HMBOX1: variants seen among roughly 807,000 people sequenced by gnomAD.
The protein encoded by HMBOX1 is homeobox containing 1, also known as homeobox-containing protein 1.
Under a neutral mutation model 54.5 loss-of-function variants are expected in HMBOX1, and 14 were observed. The observed-to-expected ratio is 0.26, with a 90% CI of 0.17 to 0.40. The LOEUF (loss-of-function observed/expected upper bound fraction) is 0.40, where lower values mean the gene tolerates loss of function less well. HMBOX1 is among the 10% of genes least tolerant of loss of function. The probability of loss-of-function intolerance (pLI) is 1.00; values close to 1 mark genes in which losing one functional copy is unlikely to be tolerated. For synonymous variants in HMBOX1, 160 were observed against 181.0 expected, an observed-to-expected ratio of 0.88 and a Z score of 0.93; for missense variants, 332 against 514.4, an observed-to-expected ratio of 0.65 and a Z score of 3.43.
At chr8:28,941,132 A>G (rs780513232) in intron 1 of HMBOX1, among the ~76,000 whole-genome samples, 11 of 152,050 alleles carry the variant, frequency 7.2e-5, no homozygotes, top group Non-Finnish European at 1.3e-4. Context: ...TTTCTTTTCT[A>G]TGGTTCAGAA....
intron 1 of HMBOX1, among the ~76,000 whole-genome samples, chr8:28,898,862 G>A (rs1390515078): frequency 2.6e-5 from 4 of 152,292 alleles, no homozygotes; most frequent in Non-Finnish European, 2.9e-5. Flanking sequence ...TCCTTATCCC[G>A]TGACCTTGGT....
intron 1 of HMBOX1, among the ~76,000 whole-genome samples, chr8:28,961,251 C>T (rs536670276): frequency 2.6e-5 from 4 of 152,202 alleles, no homozygotes; most frequent in East Asian, 1.9e-4. Flanking sequence ...ACCATTTTAA[C>T]GTATATAGTT....
At chr8:28,991,435 C>T (rs1049277482) in intron 4 of HMBOX1, among the ~76,000 whole-genome samples, 2 of 152,104 alleles carry the variant, frequency 1.3e-5, no homozygotes, top group African/African-American at 4.8e-5. Context: ...GAGATTTTGC[C>T]GCCTGTAGTA....
intron 1 of HMBOX1, among the ~76,000 whole-genome samples, chr8:28,936,045 TATC>T (rs1344142584): frequency 6.6e-6 from 1 of 152,158 alleles, no homozygotes; most frequent in Non-Finnish European, 1.5e-5. Flanking sequence ...TTATTTAATG[TATC>T]ATCATCACCA....
chr8:29,052,373 C>T lies in HMBOX1; in HGVS notation c.*1218C>T, dbSNP rs1387087898. The T allele has an allele frequency of 6.6e-6, 1 of 152,114 alleles. No homozygotes were observed. Among genetic ancestry groups the T allele is most frequent in the Admixed American group, 6.5e-5 (1 of 15,274 alleles). 9.4% of individuals were successfully genotyped at this position (152,114 alleles called of 1,614,324 possible). On this transcript the variant is annotated 3_prime_UTR_variant, in exon 10 of 10. Coordinates refer to ENST00000287701, the MANE Select transcript of HMBOX1 (RefSeq NM_001135726.3). ...TGGAGAGGTGTGAAAAGCTGTATTGCTACAGGCAATTTATTTAATAATTGG... is the reference window on the plus strand; with the variant it reads ...TGGAGAGGTGTGAAAAGCTGTATTGTTACAGGCAATTTATTTAATAATTGG...
intron 3 of HMBOX1, among the ~76,000 whole-genome samples, chr8:28,976,651 A>T (rs1001947747): frequency 6.6e-6 from 1 of 151,522 alleles, no homozygotes; most frequent in African/African-American, 2.4e-5. Context: ...TTGCTTTTTG[A>T]TAAAGCTCTC....
At chr8:29,001,777 CAA>C (rs1196070100) in intron 4 of HMBOX1, among the ~76,000 whole-genome samples, 1 of 152,082 alleles carries the variant, frequency 6.6e-6, no homozygotes, top group Admixed American at 6.5e-5. Flanking sequence ...CAATTAAAAA[CAA>C]AAAGATAAGA....
At chr8:28,995,643 C>T (rs1831696766) in intron 4 of HMBOX1, among the ~76,000 whole-genome samples, 1 of 152,212 alleles carries the variant, frequency 6.6e-6, no homozygotes, top group South Asian at 2.1e-4. Context: ...TACTCACCAA[C>T]ACTTTATGAT....
chr8:28,961,017 C>T (rs538137256), intron 1 of HMBOX1, among the ~76,000 whole-genome samples: 1 of 151,812 alleles, frequency 6.6e-6, no homozygotes, highest in Admixed American at 6.6e-5. Flanking sequence ...GATCTCTTGA[C>T]CTCATGATCT....
At chr8:28,898,293 A>G (rs1482847992) in intron 1 of HMBOX1, among the ~76,000 whole-genome samples, 1 of 152,242 alleles carries the variant, frequency 6.6e-6, no homozygotes, top group Non-Finnish European at 1.5e-5. Context: ...ACAAATATTG[A>G]TGGTACTTCC....
chr8:28,984,007 A>C (rs1382941108), intron 4 of HMBOX1, among the ~76,000 whole-genome samples: 1 of 152,238 alleles, frequency 6.6e-6, no homozygotes, highest in African/African-American at 2.4e-5. Context: ...TTCTCTTTGC[A>C]GAGAAGAGAT....
chr8:28,980,299 C>G, intron 4 of HMBOX1, 143 bp downstream of exon 4: 1 of 670,790 alleles, frequency 1.5e-6, no homozygotes, highest in Non-Finnish European at 2.7e-6. Context: ...GATTTAAAAC[C>G]CATTGTCTCC....
chr8:29,015,291 T>C (rs1380150341), intron 5 of HMBOX1, among the ~76,000 whole-genome samples: 2 of 152,192 alleles, frequency 1.3e-5, no homozygotes, highest in Non-Finnish European at 2.9e-5. Flanking sequence ...GCCGCAATTA[T>C]GGATGTGGCC....
rs759440381 is a variant in HMBOX1 at position 29,009,145 on chromosome 8, A to G, written c.660A>G (p.Ala220=). ...GSDLSEQKKR[A]FYRWYQLEKT... is the part of the protein sequence containing the mutation. ...ACCTGAGTGAACAGAAGAAAAGAGC[A>G]TTTTACCGATGGTATCAACTTGAGA... Residue 220 remains alanine, a synonymous_variant, in exon 5 of 10, where the codon GCA becomes GCG. Coordinates refer to ENST00000287701, the MANE Select transcript of HMBOX1 (RefSeq NM_001135726.3). 2 of 1,613,384 alleles carry G rather than the reference A, an allele frequency of 1.2e-6. No homozygotes were observed. Among genetic ancestry groups the G allele is most frequent in the African/African-American group, 2.7e-5 (2 of 74,928 alleles).
chr8:28,991,705 C>T (rs1312477628), intron 4 of HMBOX1, among the ~76,000 whole-genome samples: 1 of 152,092 alleles, frequency 6.6e-6, no homozygotes, highest in Non-Finnish European at 1.5e-5. Flanking sequence ...CAGTTTTAAA[C>T]ATATTGTCTT....
chr8:28,949,085 C>T (rs986252353), intron 1 of HMBOX1, among the ~76,000 whole-genome samples: 2 of 152,044 alleles, frequency 1.3e-5, no homozygotes, highest in Non-Finnish European at 2.9e-5. Flanking sequence ...CGATGTATGC[C>T]AGTAGGAATA....
chr8:28,960,752 TCTTTTTCTTTTTC>T (rs1563472362), intron 1 of HMBOX1, among the ~76,000 whole-genome samples: 3 of 24,784 alleles, frequency 1.2e-4, no homozygotes, highest in East Asian at 2.2e-3. Context: ...ATTCTCTTTT[TCTTTTTCTTTTTC>T]TTTTTTTTTT....
chr8:28,894,727 C>T (rs574556330), intron 1 of HMBOX1, among the ~76,000 whole-genome samples: 1 of 151,966 alleles, frequency 6.6e-6, no homozygotes, highest in South Asian at 2.1e-4. Flanking sequence ...ATTTGTTTTC[C>T]TTGACCTTAG....
chr8:28,956,870 A>G (rs1474512747), intron 1 of HMBOX1, among the ~76,000 whole-genome samples: 1 of 152,238 alleles, frequency 6.6e-6, no homozygotes, highest in Non-Finnish European at 1.5e-5. Context: ...AAGACTTACA[A>G]GCAGCCAGCA....
Sources: gnomAD v4.1 joint callset for allele counts (sites outside exome capture counted in the v4.1 genomes callset) on GRCh38, gnomAD v4.1.1 for gene constraint, MANE v1.5 for transcripts, NCBI Gene and HGNC (gene_info 2026-07-23, HGNC 2026-07-21) for gene names.